Variants in SH3BP4 observed in about 807,000 individuals in gnomAD.
SH3BP4 encodes the protein SH3 domain binding protein 4.
A neutral mutation model predicts 65.5 loss-of-function variants in SH3BP4; 33 were observed. The observed-to-expected ratio is 0.50, with a 90% CI of 0.38 to 0.67. The LOEUF (loss-of-function observed/expected upper bound fraction) is 0.67. Among genes scored for constraint, SH3BP4 ranks in the 30% least tolerant of loss-of-function variants. SH3BP4 has a pLI of 0.00. For missense variants in SH3BP4, 1,134 were observed against 1,261.4 expected (o/e 0.90, Z 1.53); for synonymous variants, 552 against 545.5 (o/e 1.01, Z -0.17).
intron 1 of SH3BP4, among the ~76,000 whole-genome samples, chr2:234,969,662 A>G (rs1692929447): frequency 1.3e-5 from 2 of 152,174 alleles, no homozygotes; most frequent in Non-Finnish European, 1.5e-5. Flanking sequence ...GGAGCCTGGC[A>G]GGCTGGACTT....
intron 1 of SH3BP4, among the ~76,000 whole-genome samples, chr2:234,958,431 G>C (rs900829531): frequency 6.6e-6 from 1 of 152,080 alleles, no homozygotes; most frequent in African/African-American, 2.4e-5. Context: ...CCCTGGGGGG[G>C]TGTCTGGGGA....
At chr2:235,023,794 T>C (rs1362787540) in intron 2 of SH3BP4, among the ~76,000 whole-genome samples, 2 of 152,204 alleles carry the variant, frequency 1.3e-5, no homozygotes, top group Non-Finnish European at 2.9e-5. Flanking sequence ...TTAAATATTA[T>C]GTTGTATGGA....
chr2:235,038,273 AATATATATTATATATAAT>A (rs1695465029), intron 3 of SH3BP4, among the ~76,000 whole-genome samples: 8 of 26,052 alleles, frequency 3.1e-4, no homozygotes, highest in Non-Finnish European at 4.0e-4. Flanking sequence ...TATTATATAT[AATATATATTATATATAAT>A]ATATATATTA....
At chr2:235,038,054 C>T (rs1211236580) in intron 3 of SH3BP4, among the ~76,000 whole-genome samples, 4 of 150,798 alleles carry the variant, frequency 2.7e-5, no homozygotes, top group East Asian at 2.0e-4. Flanking sequence ...GTCCCCGCTA[C>T]GCGCCAGGCC....
intron 1 of SH3BP4, among the ~76,000 whole-genome samples, chr2:234,982,333 G>A (rs6748784): frequency 6.6e-6 from 1 of 151,916 alleles, no homozygotes; most frequent in Admixed American, 6.5e-5. Flanking sequence ...GGTGCCCTCC[G>A]CCTGCTGGTG....
At chr2:234,987,437 A>G (rs1259884611) in intron 1 of SH3BP4, among the ~76,000 whole-genome samples, 1 of 152,214 alleles carries the variant, frequency 6.6e-6, no homozygotes, top group Non-Finnish European at 1.5e-5. Context: ...CCCATGTTAC[A>G]GTTGAGGAAA....
intron 2 of SH3BP4, among the ~76,000 whole-genome samples, chr2:235,021,125 T>A (rs1017433413): frequency 6.6e-6 from 1 of 152,052 alleles, no homozygotes; most frequent in Admixed American, 6.6e-5. Context: ...ACAGGAAAAG[T>A]TTGGCCGTCT....
chr2:235,038,301 A>ATATAT (rs1695475857), intron 3 of SH3BP4, among the ~76,000 whole-genome samples: 2 of 12,008 alleles, frequency 1.7e-4, no homozygotes, highest in African/African-American at 5.0e-4. Context: ...TATATATATT[A>ATATAT]TATATATATA....
Position 235,054,748 on chromosome 2 carries a change from A to T in SH3BP4, c.*932A>T, listed in dbSNP as rs1159315894. 1 of 152,210 alleles carries T rather than the reference A, an allele frequency of 6.6e-6. No individual in the cohort carries two copies. The highest frequency in any genetic ancestry group is 2.4e-5 in the African/African-American group (1 of 41,460). 9.4% of individuals were successfully genotyped at this position (152,210 alleles called of 1,614,324 possible). ...GCTGCCTCTTCTGTGGACAGGAAGAAAACTTCATGACCGAATCAGAGCCTT... is the reference window on the plus strand; with the variant it reads ...GCTGCCTCTTCTGTGGACAGGAAGATAACTTCATGACCGAATCAGAGCCTT... On this transcript the variant is annotated 3_prime_UTR_variant, in exon 6 of 6. Coordinates refer to ENST00000392011, the MANE Select transcript of SH3BP4 (RefSeq NM_014521.3).
Position 235,052,447 on chromosome 2 carries a change from A to C in SH3BP4, c.2479-115A>C. 7 of 724,840 alleles carry C rather than the reference A, an allele frequency of 9.7e-6. No homozygotes were observed. Among genetic ancestry groups the C allele is most frequent in the Non-Finnish European group, 1.3e-5 (6 of 458,408 alleles). 44.9% of individuals were successfully genotyped at this position (724,840 alleles called of 1,614,324 possible). A position where few individuals can be genotyped will look rare whatever the true frequency, so the allele number is the denominator to read the frequency against. On this transcript the variant is annotated intron_variant, in intron 4 of 5. Transcript: ENST00000392011. This position sits in a 1 kb window ranked among gnomAD's most constrained non-coding sequence, Gnocchi z 5.0. The stretch of plus-strand genomic sequence containing the variant: ...GGGACATTTGGTAGTAGGCCAGGGA[A>C]CATGGAGAATAGAGAGCCCATGGCC...
intron 2 of SH3BP4, among the ~76,000 whole-genome samples, chr2:235,009,883 G>A (rs1031316969): frequency 2.6e-5 from 4 of 151,898 alleles, no homozygotes; most frequent in East Asian, 1.9e-4. Flanking sequence ...GTTTCCGCTC[G>A]CCACCTCCAT....
At chr2:235,036,067 C>A (rs1220652103) in intron 3 of SH3BP4, among the ~76,000 whole-genome samples, 1 of 152,298 alleles carries the variant, frequency 6.6e-6, no homozygotes, top group East Asian at 1.9e-4. Context: ...AACTGCTATC[C>A]CCCAGATAAA....
rs186267835 is a variant in SH3BP4, at chr2:234,974,288, C to T, written c.-206-21015C>T. Among the ~76,000 whole-genome samples, 139 of 152,192 alleles carry T rather than the reference C, an allele frequency of 9.1e-4. No homozygotes were observed. Among genetic ancestry groups the T allele is most frequent in the Non-Finnish European group, 9.7e-4 (66 of 68,020 alleles). On this transcript the variant is annotated intron_variant, in intron 1 of 5. Coordinates refer to ENST00000392011, the MANE Select transcript of SH3BP4 (RefSeq NM_014521.3). The surrounding 1 kb of genome is among the most constrained non-coding windows in gnomAD (Gnocchi z 4.6). Reference sequence around the variant, plus strand: ...GCTGAAGCAGGAGAATCACTTGAACCCGGGAGGCTGGGGTTGCAGTGAGCC... The same window carrying T: ...GCTGAAGCAGGAGAATCACTTGAACTCGGGAGGCTGGGGTTGCAGTGAGCC...
In SH3BP4 at chr2:234,952,430, G is replaced by A. The variant is rs1324782860; in HGVS notation, c.-207+260G>A. On this transcript the variant is annotated intron_variant, in intron 1 of 5. Coordinates refer to ENST00000392011, the MANE Select transcript of SH3BP4 (RefSeq NM_014521.3). The surrounding 1 kb of genome is among the most constrained non-coding windows in gnomAD (Gnocchi z 6.5). ...CTGGTGGGCAGGGACCCGGCCCGGG[G>A]TTCCGGGCGCCGAGCCGCAGCCCTC... Among the ~76,000 whole-genome samples the A allele has an allele frequency of 1.3e-5, 2 of 151,092 alleles. No homozygotes were observed. Among genetic ancestry groups the A allele is most frequent in the East Asian group, 2.0e-4 (1 of 5,082 alleles).
At chr2:235,051,448 G>A (rs564938398) in intron 4 of SH3BP4, among the ~76,000 whole-genome samples, 54 of 152,316 alleles carry the variant, frequency 3.5e-4, no homozygotes, top group African/African-American at 1.2e-3. Context: ...AGGCGGCCAC[G>A]TGGTTGTTCC....
At chr2:235,043,411 C>T (rs1417977405) in intron 4 of SH3BP4, among the ~76,000 whole-genome samples, 164 bp downstream of exon 4, 8 of 133,742 alleles carry the variant, frequency 6.0e-5, no homozygotes, top group Middle Eastern at 4.3e-3. Context: ...CACAGCCTTT[C>T]GCCTTCCCAA....
At position 235,052,770 on chromosome 2, in the gene SH3BP4, C is replaced by T. The variant is rs370182247; in HGVS notation, c.2667+20C>T. The T allele has an allele frequency of 2.2e-4, 332 of 1,541,070 alleles. No homozygotes were observed. The highest frequency in any genetic ancestry group is 1.3e-3 in the Middle Eastern group (6 of 4,578). On this transcript the variant is annotated intron_variant, in intron 5 of 5. Coordinates refer to ENST00000392011, the MANE Select transcript of SH3BP4 (RefSeq NM_014521.3). The surrounding 1 kb of genome is among the most constrained non-coding windows in gnomAD (Gnocchi z 5.0). Reference sequence around the variant, plus strand: ...AGCGAGGTGAGCAGCGGCTGAGCTTCGAGCTCACCGAGCCCCTCTGTCCCT... The same window carrying T: ...AGCGAGGTGAGCAGCGGCTGAGCTTTGAGCTCACCGAGCCCCTCTGTCCCT...
rs1693125958 is a variant in SH3BP4, at chr2:234,974,951, T to C, written c.-206-20352T>C. ...ATAAAACTTAGCCTGATTAGAGGCA[T>C]GTGGGAAGCATGCCCAGCACACGTC... On this transcript the variant is annotated intron_variant, in intron 1 of 5. Transcript: ENST00000392011. This position sits in a 1 kb window ranked among gnomAD's most constrained non-coding sequence, Gnocchi z 4.6. Among the ~76,000 whole-genome samples, 1 of 152,172 alleles carries C rather than the reference T, an allele frequency of 6.6e-6. No individual in the cohort carries two copies. The highest frequency in any genetic ancestry group is 1.5e-5 in the Non-Finnish European group (1 of 68,030).
intron 1 of SH3BP4, among the ~76,000 whole-genome samples, chr2:234,988,214 C>T (rs1693631523): frequency 6.6e-6 from 1 of 152,126 alleles, no homozygotes; most frequent in African/African-American, 2.4e-5. Flanking sequence ...CGCCCACCAC[C>T]ACGCCTGGCT....
Sources: gnomAD v4.1 joint callset for allele counts (sites outside exome capture counted in the v4.1 genomes callset) on GRCh38, gnomAD v4.1.1 for gene constraint, Gnocchi (gnomAD v3.1) non-coding constraint, MANE v1.5 for transcripts, NCBI Gene and HGNC (gene_info 2026-07-23, HGNC 2026-07-21) for gene names.